HMX1: variants seen among roughly 807,000 people sequenced by gnomAD.
The protein encoded by HMX1 is homeobox protein HMX1.
A neutral mutation model predicts 8.9 loss-of-function variants in HMX1; 8 were observed. The ratio of observed to expected loss-of-function variants is 0.90; its 90% CI spans 0.53 to 1.63. The LOEUF is 1.63. Among genes scored for constraint, HMX1 ranks in the 40% most tolerant of loss-of-function variants. HMX1 has a pLI of 0.00. For synonymous variants in HMX1, 311 were observed against 283.4 expected (o/e 1.10, Z -0.98); for missense variants, 621 against 558.5 (o/e 1.11, Z -1.13).
chr4:8,865,744 C>T (rs761877888), downstream of HMX1, among the ~76,000 whole-genome samples: 4 of 152,096 alleles, frequency 2.6e-5, no homozygotes, highest in East Asian at 1.9e-4. Flanking sequence ...CCCTCATGGC[C>T]GCCAACAGGG....
chr4:8,868,489 C>A lies in HMX1; in HGVS notation c.395-144G>T. ...GCACAGGGCTGGGCACCCAGCAGCT[C>A]TGGGGATGCACACATTGTCAGAACC... On this transcript the variant is annotated intron_variant, in intron 1 of 1. Coordinates refer to ENST00000400677, the MANE Select transcript of HMX1 (RefSeq NM_018942.3). This position sits in a 1 kb window ranked among gnomAD's most constrained non-coding sequence, Gnocchi z 4.6. 1.6e-6 allele frequency: 1 copy of A among 629,884 alleles called. No homozygotes were observed. The highest frequency in any genetic ancestry group is 2.3e-6 in the Non-Finnish European group (1 of 428,948). 39.0% of individuals were successfully genotyped at this position (629,884 alleles called of 1,614,324 possible).
chr4:8,863,783 G>T (rs1721906625), downstream of HMX1, among the ~76,000 whole-genome samples: 1 of 152,256 alleles, frequency 6.6e-6, no homozygotes, highest in Non-Finnish European at 1.5e-5. Flanking sequence ...CCACCTAGGG[G>T]AAATGGGGCA....
At chr4:8,864,905 A>G (rs1177652009), downstream of HMX1, among the ~76,000 whole-genome samples, 1 of 152,154 alleles carries the variant, frequency 6.6e-6, no homozygotes, top group Non-Finnish European at 1.5e-5. Flanking sequence ...AATTAATTCT[A>G]TCGAAAGACA....
intron 1 of HMX1, chr4:8,860,809 G>C (rs1382717911): frequency 6.6e-6 from 1 of 152,480 alleles, no homozygotes; most frequent in East Asian, 1.9e-4. Context: ...GCGGTGCGGA[G>C]ACCGGACGGC....
exon 2 of HMX1, chr4:8,846,192 C>T (rs1175503902): frequency 1.4e-6 from 2 of 1,382,656 alleles, no homozygotes; most frequent in Non-Finnish European, 2.0e-6. Context: ...GTTGTGGCTG[C>T]ACCATCCAGT....
intron 1 of HMX1, among the ~76,000 whole-genome samples, chr4:8,856,459 G>A (rs975023194): frequency 6.6e-6 from 1 of 152,110 alleles, no homozygotes; most frequent in African/African-American, 2.4e-5. Flanking sequence ...TACAAATGAA[G>A]ACTAGGAGGA....
chr4:8,859,785 G>C (rs1036930754), intron 1 of HMX1, among the ~76,000 whole-genome samples: 1 of 152,242 alleles, frequency 6.6e-6, no homozygotes, highest in Non-Finnish European at 1.5e-5. Context: ...GAATACCGTG[G>C]AACAAGGCGG....
At chr4:8,863,881 C>G (rs569049556), downstream of HMX1, among the ~76,000 whole-genome samples, 17 of 152,334 alleles carry the variant, frequency 1.1e-4, no homozygotes. Context: ...AGTCATTTCC[C>G]GAGGACAGGA....
At chr4:8,857,852 A>G (rs1410941935) in intron 1 of HMX1, among the ~76,000 whole-genome samples, 1 of 152,014 alleles carries the variant, frequency 6.6e-6, no homozygotes, top group East Asian at 1.9e-4. Context: ...GCGCTCCTCC[A>G]GGGTCATCCA....
chr4:8,871,774 G>GCCCA lies in HMX1; in HGVS notation c.-161_-160insTGGG. 1 of 916,342 alleles carries GCCCA rather than the reference G, an allele frequency of 1.1e-6. No homozygotes were observed. Among genetic ancestry groups the GCCCA allele is most frequent in the Non-Finnish European group, 1.3e-6 (1 of 765,592 alleles). The allele number at this position is 916,342 out of a possible 1,614,324, so 56.8% of individuals were successfully genotyped here. On this transcript the variant is annotated 5_prime_UTR_variant, in exon 1 of 2. Transcript: ENST00000400677. The surrounding 1 kb of genome is among the most constrained non-coding windows in gnomAD (Gnocchi z 4.8). ...AGGCGGCGGCCTCCGCGCCGGGCTG[G>GCCCA]GCTGGGCCGGGCCGGGAGCGAGTGC... is the stretch of plus-strand genomic sequence containing the variant.
In HMX1 at chr4:8,868,429, A is replaced by G; in HGVS notation, c.395-84T>C. ...ACTGAGGCCAGCCGTCCCCACCTTG[A>G]GGTCGCTCACAGCCACAAGCAGGAA... On this transcript the variant is annotated intron_variant, in intron 1 of 1. Coordinates refer to ENST00000400677, the MANE Select transcript of HMX1 (RefSeq NM_018942.3). The surrounding 1 kb of genome is among the most constrained non-coding windows in gnomAD (Gnocchi z 4.6). 9.2e-7 allele frequency: 1 copy of G among 1,092,540 alleles called. No individual in the cohort carries two copies. The highest frequency in any genetic ancestry group is 1.2e-6 in the Non-Finnish European group (1 of 854,040). The allele number at this position is 1,092,540 out of a possible 1,614,324, so 67.7% of individuals were successfully genotyped here. A position where few individuals can be genotyped will look rare whatever the true frequency, so the allele number is the denominator to read the frequency against.
At chr4:8,869,522 T>C (rs1160431544) in intron 1 of HMX1, among the ~76,000 whole-genome samples, 1 of 152,242 alleles carries the variant, frequency 6.6e-6, no homozygotes, top group Non-Finnish European at 1.5e-5. Flanking sequence ...ATTTGCACGC[T>C]CATGCAAGGG....
downstream of HMX1, among the ~76,000 whole-genome samples, chr4:8,863,803 C>A (rs148378850): frequency 2.0e-3 from 298 of 152,360 alleles, 2 homozygotes; most frequent in South Asian, 0.017. Context: ...AGGCCCAGGT[C>A]GGCCTCCAGG....
rs538819705 is a variant in HMX1 at position 8,847,039 on chromosome 4, C to T, written c.395-715G>A. The stretch of plus-strand genomic sequence containing the variant: ...GAAATGACTATGACTCAGCTCCTGT[C>T]TCAAAGTGCCAGGCCCAGGGCTGCT... On this transcript the variant is annotated intron_variant, in intron 1 of 1. Transcript: ENST00000506970. This position sits in a 1 kb window ranked among gnomAD's most constrained non-coding sequence, Gnocchi z 6.0. Among the ~76,000 whole-genome samples, 2 of 152,324 alleles carry T rather than the reference C, an allele frequency of 1.3e-5. No homozygotes were observed. The highest frequency in any genetic ancestry group is 2.1e-4 in the South Asian group (1 of 4,824).
chr4:8,851,076 C>T (rs1348147563), intron 1 of HMX1, among the ~76,000 whole-genome samples: 2 of 152,254 alleles, frequency 1.3e-5, no homozygotes, highest in African/African-American at 4.8e-5. Flanking sequence ...TTTGCAAACA[C>T]AAAAACAGAG....
downstream of HMX1, among the ~76,000 whole-genome samples, chr4:8,863,800 G>C (rs1195639500): frequency 1.3e-5 from 2 of 152,266 alleles, no homozygotes; most frequent in South Asian, 2.1e-4. Context: ...GGCAGGCCCA[G>C]GTCGGCCTCC....
downstream of HMX1, among the ~76,000 whole-genome samples, chr4:8,863,524 T>C (rs1238551663): frequency 6.6e-6 from 1 of 152,224 alleles, no homozygotes; most frequent in Non-Finnish European, 1.5e-5. Context: ...ACCCCTCCCC[T>C]GCACCTGATG....
In HMX1 at chr4:8,847,918, G is replaced by A. The variant is rs1382486334; in HGVS notation, c.395-1594C>T. On this transcript the variant is annotated intron_variant, in intron 1 of 1. Transcript: ENST00000506970. The surrounding 1 kb of genome is among the most constrained non-coding windows in gnomAD (Gnocchi z 6.0). ...TGGATTAAGTTGAACTGGAATCAACGAGCCCCCTATACTCCAGGCTTTACG... is the reference window on the plus strand; with the variant it reads ...TGGATTAAGTTGAACTGGAATCAACAAGCCCCCTATACTCCAGGCTTTACG... 8.5e-5 allele frequency among the ~76,000 whole-genome samples: 13 copies of A among 152,158 alleles called. No homozygotes were observed. Among genetic ancestry groups the A allele is most frequent in the African/African-American group, 3.1e-4 (13 of 41,438 alleles).
intron 1 of HMX1, among the ~76,000 whole-genome samples, chr4:8,850,845 C>A (rs1721425428): frequency 6.6e-6 from 1 of 152,222 alleles, no homozygotes; most frequent in Non-Finnish European, 1.5e-5. Context: ...GAGGCTGGGA[C>A]TGTTGCCGCC....
Sources: gnomAD v4.1 joint callset for allele counts (sites outside exome capture counted in the v4.1 genomes callset) on GRCh38, gnomAD v4.1.1 for gene constraint, Gnocchi (gnomAD v3.1) non-coding constraint, MANE v1.5 for transcripts, NCBI Gene and HGNC (gene_info 2026-07-23, HGNC 2026-07-21) for gene names.